Variants in CTNNA3 observed in about 807,000 individuals in gnomAD.
CTNNA3 encodes the protein catenin alpha-3.
A neutral mutation model predicts 95.7 loss-of-function variants in CTNNA3; 76 were observed. The observed-to-expected ratio is 0.79, with a 90% CI of 0.66 to 0.96. The LOEUF is 0.96. CTNNA3 is among the 40% of genes least tolerant of loss of function. The pLI is 0.00. For missense variants in CTNNA3, 1,191 were observed against 1,089.8 expected, an observed-to-expected ratio of 1.09 and a Z score of -1.31; for synonymous variants, 431 against 374.4, an observed-to-expected ratio of 1.15 and a Z score of -1.74.
At chr10:67,268,673 C>A (rs1050974102) in intron 5 of CTNNA3, among the ~76,000 whole-genome samples, 4 of 152,166 alleles carry the variant, frequency 2.6e-5, no homozygotes, top group African/African-American at 9.7e-5. Flanking sequence ...CTGCACAATG[C>A]ACATCTCAGA....
chr10:67,640,359 A>G (rs1333818291), intron 2 of CTNNA3, among the ~76,000 whole-genome samples: 1 of 152,222 alleles, frequency 6.6e-6, no homozygotes, highest in Non-Finnish European at 1.5e-5. Context: ...AAAAGAGGAT[A>G]CAAACAAATG....
intron 1 of CTNNA3, among the ~76,000 whole-genome samples, chr10:67,661,436 G>T (rs554142893): frequency 1.3e-3 from 195 of 152,182 alleles, no homozygotes; most frequent in African/African-American, 4.5e-3. Flanking sequence ...AGAGCTAAAG[G>T]TAGGACCTAA....
At position 67,219,890 on chromosome 10, in the gene CTNNA3, G is replaced by C; in HGVS notation, c.580-20C>G. 1.3e-6 allele frequency: 2 copies of C among 1,585,748 alleles called. No homozygotes were observed. The highest frequency in any genetic ancestry group is 1.7e-6 in the Non-Finnish European group (2 of 1,162,296). Reference sequence around the variant, plus strand: ...TAAGTCCTGAGAAGGTAAATAAAAAGAGTGGTATCTTACAATGGGTTATGG... The same window carrying C: ...TAAGTCCTGAGAAGGTAAATAAAAACAGTGGTATCTTACAATGGGTTATGG... On this transcript the variant is annotated intron_variant, in intron 5 of 17. Coordinates refer to ENST00000433211, the MANE Select transcript of CTNNA3 (RefSeq NM_013266.4).
intron 5 of CTNNA3, among the ~76,000 whole-genome samples, chr10:67,221,570 A>T (rs368610754): frequency 2.0e-4 from 30 of 152,026 alleles, no homozygotes; most frequent in Admixed American, 1.3e-3. Flanking sequence ...CATAGGAAAA[A>T]TTTTTTTCTT....
At chr10:67,299,127 G>C (rs999753193) in intron 5 of CTNNA3, among the ~76,000 whole-genome samples, 2 of 152,048 alleles carry the variant, frequency 1.3e-5, no homozygotes, top group African/African-American at 4.8e-5. Flanking sequence ...TCGATCTCTT[G>C]ACCTCATGAT....
At chr10:66,637,821 C>T (rs1845387443) in intron 9 of CTNNA3, among the ~76,000 whole-genome samples, 1 of 152,080 alleles carries the variant, frequency 6.6e-6, no homozygotes, top group African/African-American at 2.4e-5. Context: ...AGAGTCCTAC[C>T]CTCACCTTCA....
intron 12 of CTNNA3, among the ~76,000 whole-genome samples, chr10:66,283,991 A>G (rs2091539028): frequency 6.6e-6 from 1 of 151,898 alleles, no homozygotes; most frequent in Non-Finnish European, 1.5e-5. Context: ...CTATAGAATT[A>G]TTGATCAAAG....
At chr10:66,721,629 G>T (rs772012500) in intron 9 of CTNNA3, among the ~76,000 whole-genome samples, 1 of 152,140 alleles carries the variant, frequency 6.6e-6, no homozygotes, top group Non-Finnish European at 1.5e-5. Context: ...GAATATTCTG[G>T]GTTGCTAAGA....
chr10:66,804,497 C>A (rs1267268454), intron 7 of CTNNA3, among the ~76,000 whole-genome samples: 1 of 151,914 alleles, frequency 6.6e-6, no homozygotes. Flanking sequence ...CCCTTATTTG[C>A]CTTTTATGTC....
intron 4 of CTNNA3, among the ~76,000 whole-genome samples, chr10:67,526,998 T>C (rs1445047296): frequency 6.6e-6 from 1 of 152,218 alleles, no homozygotes; most frequent in Non-Finnish European, 1.5e-5. Context: ...TGGCTCACGC[T>C]GTAATCTCAG....
At chr10:66,740,939 T>G (rs953002159) in intron 9 of CTNNA3, among the ~76,000 whole-genome samples, 1 of 152,196 alleles carries the variant, frequency 6.6e-6, no homozygotes, top group Non-Finnish European at 1.5e-5. Context: ...AAAAGCGTGG[T>G]CCATGAACAT....
Position 67,482,252 on chromosome 10 carries a change from G to A in CTNNA3, c.579+39590C>T, listed in dbSNP as rs1331254365. On this transcript the variant is annotated intron_variant, in intron 5 of 17. Transcript: ENST00000433211. ...TGCGGCCTCTTTTTTGGTTCCATAT[G>A]AACTTTAAAGTAGTTTTTTCCAATT... Among the ~76,000 whole-genome samples, 8 of 151,838 alleles carry A rather than the reference G, an allele frequency of 5.3e-5. No individual in the cohort carries two copies. The East Asian group carries it at 1.6e-3, about 30-fold the overall frequency.
intron 7 of CTNNA3, among the ~76,000 whole-genome samples, chr10:67,019,256 T>C (rs1852842419): frequency 6.6e-6 from 1 of 152,250 alleles, no homozygotes; most frequent in South Asian, 2.1e-4. Context: ...TCTCGCTCTG[T>C]TGCCCAGGCT....
intron 9 of CTNNA3, among the ~76,000 whole-genome samples, chr10:66,747,325 ATTC>A (rs1838926117): frequency 6.6e-6 from 1 of 152,170 alleles, no homozygotes; most frequent in Non-Finnish European, 1.5e-5. Flanking sequence ...TAAATTTGAA[ATTC>A]TTCAAGACTA....
intron 7 of CTNNA3, among the ~76,000 whole-genome samples, chr10:67,175,363 CA>C (rs1351166038): frequency 6.6e-6 from 1 of 151,952 alleles, no homozygotes; most frequent in African/African-American, 2.4e-5. Flanking sequence ...GAGGTCTATA[CA>C]AAAGGAAAAA....
chr10:66,866,850 C>T (rs1309476874), intron 7 of CTNNA3, among the ~76,000 whole-genome samples: 1 of 152,150 alleles, frequency 6.6e-6, no homozygotes, highest in Admixed American at 6.6e-5. Flanking sequence ...TGTGTCCTCT[C>T]CCATACTCAT....
chr10:66,809,208 CA>C (rs1841778702), intron 7 of CTNNA3, among the ~76,000 whole-genome samples: 1 of 152,108 alleles, frequency 6.6e-6, no homozygotes, highest in Non-Finnish European at 1.5e-5. Context: ...TAAACAAAAG[CA>C]GGCAATTTGA....
intron 15 of CTNNA3, among the ~76,000 whole-genome samples, chr10:65,994,672 T>C (rs1172195715): frequency 6.6e-6 from 1 of 152,194 alleles, no homozygotes; most frequent in African/African-American, 2.4e-5. Flanking sequence ...CTCTTTAAGC[T>C]TTCTGAATCT....
intron 3 of CTNNA3, among the ~76,000 whole-genome samples, chr10:67,594,390 C>T (rs1236077527): frequency 6.6e-6 from 1 of 151,966 alleles, no homozygotes; most frequent in Non-Finnish European, 1.5e-5. Flanking sequence ...AGGGCTTTTT[C>T]TGATTAGCAG....
Sources: allele counts gnomAD v4.1 joint callset (sites outside exome capture counted in the v4.1 genomes callset), GRCh38; gene constraint gnomAD v4.1.1; transcripts MANE v1.5; gene names NCBI Gene and HGNC (gene_info 2026-07-23, HGNC 2026-07-21).